Variants in RBFOX1 observed in about 807,000 individuals in gnomAD.
RBFOX1 encodes the protein RNA binding protein fox-1 homolog 1.
RBFOX1 carries 8 observed loss-of-function variants against 57.7 expected under a neutral mutation model. The ratio of observed to expected loss-of-function variants is 0.14; its 90% confidence interval spans 0.08 to 0.25. The LOEUF (loss-of-function observed/expected upper bound fraction) is 0.25, where lower values mean the gene tolerates loss of function less well. RBFOX1 is among the 10% of genes least tolerant of loss of function. RBFOX1 has a pLI of 1.00. For synonymous variants in RBFOX1, 326 were observed against 222.4 expected (o/e 1.47, Z -4.15); for missense variants, 611 against 548.5 (o/e 1.11, Z -1.14).
At chr16:6,184,042 A>T (rs9927942) in intron 1 of RBFOX1, among the ~76,000 whole-genome samples, 13 of 152,126 alleles carry the variant, frequency 8.5e-5, no homozygotes, top group African/African-American at 1.4e-4. Flanking sequence ...AGAAGGCAAA[A>T]GGCATGTTTT....
chr16:6,495,847 G>C (rs1182432458), intron 2 of RBFOX1, among the ~76,000 whole-genome samples: 3 of 152,172 alleles, frequency 2.0e-5, no homozygotes, highest in Non-Finnish European at 2.9e-5. Context: ...GGAATTGTTG[G>C]TTGTCCATTG....
intron 2 of RBFOX1, among the ~76,000 whole-genome samples, chr16:5,495,605 C>G (rs34320358): frequency 6.6e-6 from 1 of 152,134 alleles, no homozygotes; most frequent in Non-Finnish European, 1.5e-5. Flanking sequence ...GGAGTGTGGG[C>G]CAAGCTGGCT....
intron 2 of RBFOX1, among the ~76,000 whole-genome samples, chr16:6,583,942 C>G (rs2097570827): frequency 6.6e-6 from 1 of 151,802 alleles, no homozygotes; most frequent in African/African-American, 2.4e-5. Flanking sequence ...CTTCATCACT[C>G]CAGTTTGGTA....
chr16:7,597,579 A>G, intron 9 of RBFOX1, 148 bp downstream of exon 9: 1 of 610,600 alleles, frequency 1.6e-6, no homozygotes, highest in East Asian at 3.0e-5. Flanking sequence ...AACCACCTAC[A>G]TCAATAAGAT....
intron 1 of RBFOX1, among the ~76,000 whole-genome samples, chr16:5,298,231 A>C (rs2063715574): frequency 1.3e-5 from 2 of 152,238 alleles, no homozygotes; most frequent in African/African-American, 4.8e-5. Flanking sequence ...TGTTAGATCA[A>C]GTAAAAAATA....
At chr16:5,602,687 T>C (rs1034343614), downstream of RBFOX1, among the ~76,000 whole-genome samples, 2 of 152,062 alleles carry the variant, frequency 1.3e-5, no homozygotes, top group African/African-American at 2.4e-5. Context: ...GACCCTTTTA[T>C]TTTTTTTCTA....
intron 4 of RBFOX1, among the ~76,000 whole-genome samples, chr16:7,265,403 TTA>T (rs1469566453): frequency 2.0e-5 from 3 of 151,964 alleles, no homozygotes; most frequent in Admixed American, 6.6e-5. Flanking sequence ...TTCTTTTTCT[TTA>T]TGTTTTCTTT....
chr16:6,598,295 ATTAT>A (rs1462374846), intron 2 of RBFOX1, among the ~76,000 whole-genome samples: 2 of 152,146 alleles, frequency 1.3e-5, no homozygotes, highest in East Asian at 3.9e-4. Flanking sequence ...ATCTAAAATT[ATTAT>A]TTACTCTTTT....
chr16:6,196,337 G>A (rs1355847021), intron 1 of RBFOX1, among the ~76,000 whole-genome samples: 1 of 152,154 alleles, frequency 6.6e-6, no homozygotes, highest in Non-Finnish European at 1.5e-5. Context: ...TATTTTGAGC[G>A]AGTGACCTAA....
chr16:7,482,771 C>T (rs73500384), intron 4 of RBFOX1, among the ~76,000 whole-genome samples: 2,469 of 151,978 alleles, frequency 0.016, 64 homozygotes, highest in African/African-American at 0.056. Context: ...TGCTGGTAAG[C>T]CCCTGCCTAC....
rs566375899 is a variant in RBFOX1 at position 6,097,598 on chromosome 16, C to T, written c.-127+77606C>T. Among the ~76,000 whole-genome samples the T allele has an allele frequency of 3.3e-5, 5 of 152,262 alleles. No individual in the cohort carries two copies. In the South Asian group the frequency reaches 6.2e-4, roughly 19 times the overall value. On this transcript the variant is annotated intron_variant, in intron 1 of 15. Coordinates refer to ENST00000550418, the MANE Select transcript of RBFOX1 (RefSeq NM_018723.4). The surrounding 1 kb of genome is among the most constrained non-coding windows in gnomAD (Gnocchi z 5.0). Reference sequence around the variant, plus strand: ...AGGGAGACCTCACTTTCATTATTCTCATTTCACAGATGAGAAAAATGAGTC... The same window carrying T: ...AGGGAGACCTCACTTTCATTATTCTTATTTCACAGATGAGAAAAATGAGTC...
intron 1 of RBFOX1, among the ~76,000 whole-genome samples, chr16:6,255,023 A>C (rs1211394947): frequency 1.3e-5 from 2 of 151,130 alleles, no homozygotes; most frequent in Non-Finnish European, 2.9e-5. Context: ...TCTTCCTTCC[A>C]TCTCTCCCAC....
chr16:6,009,106 T>A (rs573064350), intron 4 of RBFOX1, among the ~76,000 whole-genome samples: 1 of 152,018 alleles, frequency 6.6e-6, no homozygotes, highest in Non-Finnish European at 1.5e-5. Flanking sequence ...TTACTTTTTT[T>A]TTTTTTTTCT....
rs143449777 is a variant in RBFOX1, at chr16:6,987,438, G to A, written c.-15-64619G>A. 9.3e-3 allele frequency among the ~76,000 whole-genome samples: 1,356 copies of A among 146,410 alleles called. 28 individuals are homozygous for A. Among genetic ancestry groups the A allele is most frequent in the African/African-American group, 0.033 (1,289 of 39,092 alleles). On this transcript the variant is annotated intron_variant, in intron 3 of 15. Coordinates refer to ENST00000550418, the MANE Select transcript of RBFOX1 (RefSeq NM_018723.4). Reference sequence around the variant, plus strand: ...GAGCCACTAGGCTTATCTCAGGACAGCAACAGAAAACTTTTCAGACACACA... The same window carrying A: ...GAGCCACTAGGCTTATCTCAGGACAACAACAGAAAACTTTTCAGACACACA...
At chr16:7,269,402 T>A (rs752936523) in intron 4 of RBFOX1, among the ~76,000 whole-genome samples, 4 of 152,162 alleles carry the variant, frequency 2.6e-5, no homozygotes, top group Non-Finnish European at 1.5e-5. Flanking sequence ...AATCACTTTT[T>A]AAAAACATTT....
intron 9 of RBFOX1, among the ~76,000 whole-genome samples, chr16:7,600,212 G>C (rs553699509): frequency 6.6e-6 from 1 of 152,254 alleles, no homozygotes; most frequent in East Asian, 1.9e-4. Flanking sequence ...TCAGAGAATT[G>C]TTCCTGTCAC....
At chr16:5,851,635 G>T (rs949889185) in intron 3 of RBFOX1, among the ~76,000 whole-genome samples, 1 of 152,178 alleles carries the variant, frequency 6.6e-6, no homozygotes, top group African/African-American at 2.4e-5. Flanking sequence ...AGCAGAGATG[G>T]CTATGGCGAA....
chr16:5,617,569 G>C (rs1441657441), intron 3 of RBFOX1, among the ~76,000 whole-genome samples: 1 of 152,212 alleles, frequency 6.6e-6, no homozygotes, highest in Non-Finnish European at 1.5e-5. Flanking sequence ...TGTGGAAAAA[G>C]ACAGGTGCAT....
chr16:7,373,494 G>A (rs990413492), intron 4 of RBFOX1, among the ~76,000 whole-genome samples: 8 of 152,158 alleles, frequency 5.3e-5, no homozygotes, highest in Non-Finnish European at 1.2e-4. Context: ...AATAGATGGT[G>A]TTAATCTCCA....
Sources: gnomAD v4.1 joint callset for allele counts (sites outside exome capture counted in the v4.1 genomes callset) on GRCh38, gnomAD v4.1.1 for gene constraint, Gnocchi (gnomAD v3.1) non-coding constraint, MANE v1.5 for transcripts, NCBI Gene and HGNC (gene_info 2026-07-23, HGNC 2026-07-21) for gene names.